The following PTCHD4 variants were observed in gnomAD, a reference collection of about 807,000 sequenced individuals.
PTCHD4 encodes patched domain-containing protein 4.
In PTCHD4, 33 loss-of-function variants were observed where a neutral mutation model predicts 58.1. That is an observed-to-expected ratio of 0.57 (90% CI 0.43 to 0.76). The LOEUF is 0.76. Ranked by LOEUF, PTCHD4 falls within the 30% of genes least tolerant of loss-of-function variation. The pLI, the probability that PTCHD4 is intolerant of heterozygous loss-of-function variation, is 0.00. For missense variants in PTCHD4, 1,058 were observed against 1,027.1 expected (o/e 1.03, Z -0.41); for synonymous variants, 478 against 409.6 (o/e 1.17, Z -2.02).
At chr6:48,102,279 C>T (rs918028513) in intron 1 of PTCHD4, among the ~76,000 whole-genome samples, 10 of 152,142 alleles carry the variant, frequency 6.6e-5, no homozygotes, top group African/African-American at 2.4e-4. Flanking sequence ...ACTCCTGACC[C>T]TTTAATAGCC....
chr6:47,999,316 G>A (rs1297545324), intron 4 of PTCHD4, among the ~76,000 whole-genome samples: 1 of 152,122 alleles, frequency 6.6e-6, no homozygotes, highest in African/African-American at 2.4e-5. Flanking sequence ...CACATCATTG[G>A]CCAGTGTTTT....
intron 4 of PTCHD4, among the ~76,000 whole-genome samples, chr6:47,932,448 A>G (rs1765857178): frequency 1.3e-5 from 2 of 152,196 alleles, no homozygotes; most frequent in Admixed American, 1.3e-4. Flanking sequence ...AACACAACAG[A>G]TTATGAGAAT....
In PTCHD4 at chr6:47,862,156, T is replaced by A. The variant is rs1191276690; in HGVS notation, c.*16147A>T. ...TTTCAGCACTTCTTTATTGTATAGG[T>A]ATGACCAAGTTGGCCTTTAGGAGGC... On this transcript the variant is annotated 3_prime_UTR_variant, in exon 5 of 5. Coordinates refer to ENST00000339488, the MANE Select transcript of PTCHD4 (RefSeq NM_001384253.1). Among the ~76,000 whole-genome samples the A allele has an allele frequency of 6.6e-6, 1 of 151,874 alleles. No homozygotes were observed. Among genetic ancestry groups the A allele is most frequent in the African/African-American group, 2.4e-5 (1 of 41,424 alleles).
chr6:47,936,507 A>C (rs1037864337), intron 4 of PTCHD4, among the ~76,000 whole-genome samples: 1 of 152,238 alleles, frequency 6.6e-6, no homozygotes, highest in Non-Finnish European at 1.5e-5. Flanking sequence ...GAAGCTGAGA[A>C]AGTTTTAGTG....
intron 4 of PTCHD4, among the ~76,000 whole-genome samples, chr6:47,886,117 A>T (rs1435010598): frequency 8.7e-6 from 1 of 115,484 alleles, no homozygotes; most frequent in Non-Finnish European, 1.8e-5. Flanking sequence ...GGCGATGGCA[A>T]GATTTTTTTT....
chr6:47,930,623 G>A (rs958624220), intron 4 of PTCHD4, among the ~76,000 whole-genome samples: 6 of 152,120 alleles, frequency 3.9e-5, no homozygotes, highest in Non-Finnish European at 7.3e-5. Flanking sequence ...GGTACACAGA[G>A]TTCTATGAAA....
intron 4 of PTCHD4, chr6:47,900,925 C>G (rs537107212): frequency 3.9e-5 from 6 of 152,078 alleles, no homozygotes; most frequent in African/African-American, 1.4e-4. Context: ...GAGGCCGAGG[C>G]GGGTGGATCA....
chr6:47,859,195 G>A lies in PTCHD4; in HGVS notation c.*19108C>T, dbSNP rs114466123. Among the ~76,000 whole-genome samples, 2 of 152,112 alleles carry A rather than the reference G, an allele frequency of 1.3e-5. No individual in the cohort carries two copies. The highest frequency in any genetic ancestry group is 4.8e-5 in the African/African-American group (2 of 41,530). On this transcript the variant is annotated 3_prime_UTR_variant, in exon 5 of 5. Coordinates refer to ENST00000339488, the MANE Select transcript of PTCHD4 (RefSeq NM_001384253.1). ...CTTCTTTAAGCCTGAGAAGCAGCAGGCTACCAATTGCTCCCATTTAAGGAT... is the reference window on the plus strand; with the variant it reads ...CTTCTTTAAGCCTGAGAAGCAGCAGACTACCAATTGCTCCCATTTAAGGAT...
rs150275743 is a variant in PTCHD4 at position 47,878,750 on chromosome 6, G to A, written c.2085C>T (p.Gly695=). 1.2e-3 allele frequency: 1,976 copies of A among 1,613,502 alleles called. No homozygotes were observed. Among genetic ancestry groups the A allele is most frequent in the Non-Finnish European group, 1.5e-3 (1,775 of 1,179,726 alleles). ...LILSVTSIEL[G]VLGLMTLWNV... ...TCCATAATGTCATTAAGCCCAGAACGCCCAGCTCAATTGAGGTGACGCTAA... is the reference window on the plus strand; with the variant it reads ...TCCATAATGTCATTAAGCCCAGAACACCCAGCTCAATTGAGGTGACGCTAA... The change falls in exon 5 of 5, where the codon GGC becomes GGT. Residue 695 remains glycine (G), a synonymous_variant. Transcript: ENST00000339488.
At chr6:47,911,649 G>C (rs1385496810) in intron 4 of PTCHD4, among the ~76,000 whole-genome samples, 1 of 152,138 alleles carries the variant, frequency 6.6e-6, no homozygotes, top group Non-Finnish European at 1.5e-5. Flanking sequence ...AATAGTCATG[G>C]AAAGGGCTCT....
intron 4 of PTCHD4, among the ~76,000 whole-genome samples, chr6:47,972,076 G>A (rs533428346): frequency 3.3e-5 from 5 of 152,246 alleles, no homozygotes; most frequent in South Asian, 4.2e-4. Context: ...TGTGAGCACT[G>A]AACACTGATT....
chr6:48,105,231 T>C (rs1263062680), intron 1 of PTCHD4, among the ~76,000 whole-genome samples: 2 of 151,548 alleles, frequency 1.3e-5, no homozygotes, highest in Admixed American at 6.6e-5. Context: ...ATGTAAAAGA[T>C]CAGAAATTAT....
intron 4 of PTCHD4, among the ~76,000 whole-genome samples, chr6:47,941,901 C>T (rs1476167231): frequency 6.6e-6 from 1 of 152,100 alleles, no homozygotes; most frequent in African/African-American, 2.4e-5. Context: ...TTAAGAAAAT[C>T]AGTGTCAAAC....
chr6:47,966,448 G>A (rs887525123), intron 4 of PTCHD4, among the ~76,000 whole-genome samples: 5 of 152,178 alleles, frequency 3.3e-5, no homozygotes, highest in African/African-American at 1.2e-4. Context: ...TGATGGTGCT[G>A]ACTGATCAGC....
chr6:48,004,626 A>T (rs866849728), intron 4 of PTCHD4, among the ~76,000 whole-genome samples: 11 of 152,172 alleles, frequency 7.2e-5, no homozygotes, highest in Non-Finnish European at 8.8e-5. Flanking sequence ...GTATTTTTTT[A>T]AAAAATTATG....
At chr6:48,039,279 C>T (rs921178112) in intron 3 of PTCHD4, among the ~76,000 whole-genome samples, 9 of 151,972 alleles carry the variant, frequency 5.9e-5, no homozygotes, top group African/African-American at 9.6e-5. Flanking sequence ...AGGTTGAGTC[C>T]GATTAGCAAG....
At chr6:47,911,560 G>GAA (rs1247010190) in intron 4 of PTCHD4, among the ~76,000 whole-genome samples, 1 of 152,112 alleles carries the variant, frequency 6.6e-6, no homozygotes, top group Non-Finnish European at 1.5e-5. Context: ...AAGGAGTAAA[G>GAA]GATGATGTCC....
Position 48,009,040 on chromosome 6 carries a change from G to T in PTCHD4, c.492C>A (p.Val164=). 2 of 1,613,866 alleles carry T rather than the reference G, an allele frequency of 1.2e-6. No individual in the cohort carries two copies. Among genetic ancestry groups the T allele is most frequent in the Non-Finnish European group, 1.7e-6 (2 of 1,179,844 alleles). The change falls in exon 4 of 5, where the codon GTC becomes GTA. Residue 164 remains valine, a synonymous_variant. Transcript: ENST00000339488. ...VEVPNSKDQR[V]KSARAIQITY... is the part of the protein sequence containing the mutation. ...TGATTTGAATGGCTCTGGCTGACTT[G>T]ACCCGCTGATCTTTGCTGTTTGGCA...
At chr6:48,028,619 A>G (rs191281023) in intron 3 of PTCHD4, among the ~76,000 whole-genome samples, 3 of 152,232 alleles carry the variant, frequency 2.0e-5, no homozygotes, top group Non-Finnish European at 4.4e-5. Context: ...TTAATAAGAA[A>G]TTAAAGGGCT....
Sources: allele counts gnomAD v4.1 joint callset (sites outside exome capture counted in the v4.1 genomes callset), GRCh38; gene constraint gnomAD v4.1.1; transcripts MANE v1.5; gene names NCBI Gene and HGNC (gene_info 2026-07-23, HGNC 2026-07-21).